Variants in SLC28A1 observed in about 807,000 individuals in gnomAD.
The protein encoded by SLC28A1 is solute carrier family 28 member 1.
A neutral mutation model predicts 74.8 loss-of-function variants in SLC28A1; 64 were observed. The observed-to-expected ratio is 0.86, with a 90% CI of 0.70 to 1.05. The LOEUF is 1.05. Among genes scored for constraint, SLC28A1 ranks in the 50% least tolerant of loss-of-function variants. The probability of loss-of-function intolerance (pLI) is 0.00; values close to 1 mark genes in which losing one functional copy is unlikely to be tolerated. For missense variants in SLC28A1, 828 were observed against 822.8 expected (o/e 1.01, Z -0.08); for synonymous variants, 359 against 335.0 (o/e 1.07, Z -0.78).
At chr15:84,955,075 G>A in the SLC28A1 span, among the ~76,000 whole-genome samples, 7 of 152,160 alleles carry the variant, frequency 4.6e-5, no homozygotes, top group African/African-American at 7.2e-5. Context: ...TCATCTGGAG[G>A]AGTAACATGT....
the SLC28A1 span, among the ~76,000 whole-genome samples, chr15:84,966,425 T>C: frequency 6.6e-6 from 1 of 152,252 alleles, no homozygotes; most frequent in East Asian, 1.9e-4. Context: ...GTGTGTGCAA[T>C]GGCATGATCA....
At position 84,944,760 on chromosome 15, in the gene SLC28A1, C is replaced by G. The variant is rs1478082927; in HGVS notation, c.1767C>G (p.Ile589Met). The G allele has an allele frequency of 1.9e-6, 3 of 1,612,736 alleles. No homozygotes were observed. The Admixed American group carries it at 5.0e-5, about 27-fold the overall frequency. The part of the protein sequence containing the change: ...VSLVNACMAG[I>M]LYMPRGAEVD... ...CCCACCACTTTCCCTCTACAGGGAT[C>G]CTCTACATGCCCAGGGGGGCTGAAG... The change falls in exon 18 of 19, where the codon ATC becomes ATG. Residue 589 changes from isoleucine (I) to methionine (M), a missense_variant. Ile to Met is a conservative substitution (Grantham distance 10). Coordinates refer to ENST00000394573, the MANE Select transcript of SLC28A1 (RefSeq NM_004213.5).
chr15:84,916,617 C>G (rs12913097), intron 9 of SLC28A1, among the ~76,000 whole-genome samples: 83,282 of 151,948 alleles, frequency 0.55, 24,027 homozygotes, highest in Middle Eastern at 0.72. Flanking sequence ...TTTTATCCAG[C>G]TGCCCACTTG....
intron 6 of SLC28A1, among the ~76,000 whole-genome samples, chr15:84,899,245 C>A (rs1240905482): frequency 6.6e-6 from 1 of 151,860 alleles, no homozygotes; most frequent in African/African-American, 2.4e-5. Flanking sequence ...ATCTTAAAGA[C>A]AAAACCTGAA....
At chr15:84,946,446 G>T (rs1409870058), downstream of SLC28A1, among the ~76,000 whole-genome samples, 1 of 151,982 alleles carries the variant, frequency 6.6e-6, no homozygotes, top group African/African-American at 2.4e-5. Context: ...ACAACTTCAT[G>T]CAGTAGGTGT....
intron 3 of SLC28A1, 68 bp from the exon 4 acceptor site, chr15:84,888,703 AC>A: frequency 1.8e-6 from 2 of 1,134,068 alleles, no homozygotes; most frequent in Non-Finnish European, 2.6e-6. Flanking sequence ...GTGGCCCCCG[AC>A]CCCCAGCTGT....
chr15:84,948,744 C>T (rs1053093921), downstream of SLC28A1, among the ~76,000 whole-genome samples: 1 of 152,172 alleles, frequency 6.6e-6, no homozygotes, highest in African/African-American at 2.4e-5. Context: ...CTAGGATAGT[C>T]ACTTTGTTAA....
At chr15:84,903,595 G>A (rs1382921266) in intron 6 of SLC28A1, among the ~76,000 whole-genome samples, 1 of 152,140 alleles carries the variant, frequency 6.6e-6, no homozygotes, top group Non-Finnish European at 1.5e-5. Flanking sequence ...GGTAGGATCC[G>A]TTCCTTGGTC....
Position 84,907,156 on chromosome 15 carries a change from A to G in SLC28A1, c.717+1504A>G, listed in dbSNP as rs1014918410. 2.6e-5 allele frequency among the ~76,000 whole-genome samples: 4 copies of G among 152,300 alleles called. No individual in the cohort carries two copies. In the East Asian group the frequency reaches 5.8e-4, roughly 22 times the overall value. On this transcript the variant is annotated intron_variant, in intron 8 of 18. Transcript: ENST00000394573. Reference sequence around the variant, plus strand: ...CTGTCTCATTCTCCTGATTTTTTGGAAGGTCAGAAGACAGCTTAGTTTTGA... The same window carrying G: ...CTGTCTCATTCTCCTGATTTTTTGGGAGGTCAGAAGACAGCTTAGTTTTGA...
the SLC28A1 span, among the ~76,000 whole-genome samples, chr15:84,956,626 G>A: frequency 3.3e-5 from 5 of 150,794 alleles, no homozygotes; most frequent in Non-Finnish European, 7.4e-5. Flanking sequence ...CTGAGTAGCT[G>A]GGACTACAGG....
At position 84,911,876 on chromosome 15, in the gene SLC28A1, AAG is replaced by A. The variant is rs1230426419; in HGVS notation, c.795+3083_795+3084del. Reference sequence around the variant, plus strand: ...TCCATCTCAAAAAAAAAAAAAAAAAAAGAAGAAGAAGAAGAAAATAAAAATGT... The same window carrying A: ...TCCATCTCAAAAAAAAAAAAAAAAAAAAGAAGAAGAAGAAAATAAAAATGT... On this transcript the variant is annotated intron_variant, in intron 9 of 18. Transcript: ENST00000394573. 1.5e-3 allele frequency among the ~76,000 whole-genome samples: 164 copies of A among 109,268 alleles called. 1 individual carries two copies. The highest frequency in any genetic ancestry group is 3.1e-3 in the Admixed American group (32 of 10,354). 71.7% of individuals were successfully genotyped at this position (109,268 alleles called of 152,430 possible).
chr15:84,937,142 T>G (rs1051015417), intron 15 of SLC28A1, among the ~76,000 whole-genome samples: 1 of 150,380 alleles, frequency 6.6e-6, no homozygotes, highest in Non-Finnish European at 1.5e-5. Flanking sequence ...GTTTTTTTGT[T>G]TTTTTTTTTA....
chr15:84,972,291 A>G, the SLC28A1 span, among the ~76,000 whole-genome samples: 1 of 152,244 alleles, frequency 6.6e-6, no homozygotes, highest in Non-Finnish European at 1.5e-5. Flanking sequence ...TGGAACAGAA[A>G]CATGTGAGAT....
chr15:84,949,360 C>G (rs1258953620), downstream of SLC28A1, among the ~76,000 whole-genome samples: 1 of 152,096 alleles, frequency 6.6e-6, no homozygotes, highest in Non-Finnish European at 1.5e-5. Context: ...TTGAAAGAGG[C>G]AGACTTATTA....
At chr15:84,973,030 C>T in the SLC28A1 span, among the ~76,000 whole-genome samples, 1 of 151,932 alleles carries the variant, frequency 6.6e-6, no homozygotes, top group African/African-American at 2.4e-5. Context: ...GGCTAAGGAC[C>T]AAAGTCCTTG....
chr15:84,892,474 CT>C (rs759803954), intron 5 of SLC28A1, among the ~76,000 whole-genome samples: 22 of 152,168 alleles, frequency 1.4e-4, no homozygotes, highest in Non-Finnish European at 2.4e-4. Flanking sequence ...ATTTGTTTCT[CT>C]TGAAGAACAA....
chr15:84,950,359 C>CT (rs571049176), downstream of SLC28A1, among the ~76,000 whole-genome samples: 193 of 127,594 alleles, frequency 1.5e-3, no homozygotes, highest in Non-Finnish European at 2.5e-3. Flanking sequence ...CGCCAGTCTC[C>CT]TTTTTTTTTT....
chr15:84,905,522 G>A lies in SLC28A1; in HGVS notation c.604-17G>A, dbSNP rs1436977147. On this transcript the variant is annotated splice_polypyrimidine_tract_variant and intron_variant, in intron 7 of 18. Transcript: ENST00000394573. Reference sequence around the variant, plus strand: ...CTCAAGGAACTGAACTCAGCTTTCTGTTGGGTGGGGTGGTAGGTGTCCTGG... The same window carrying A: ...CTCAAGGAACTGAACTCAGCTTTCTATTGGGTGGGGTGGTAGGTGTCCTGG... The A allele has an allele frequency of 6.4e-7, 1 of 1,569,906 alleles. No homozygotes were observed. Among genetic ancestry groups the A allele is most frequent in the South Asian group, 1.1e-5 (1 of 90,220 alleles).
At chr15:84,933,899 C>T (rs776954616) in intron 13 of SLC28A1, among the ~76,000 whole-genome samples, 2 of 152,142 alleles carry the variant, frequency 1.3e-5, no homozygotes, top group Admixed American at 6.5e-5. Context: ...TGCTTGAATC[C>T]GGGAGGTGGA....
Sources: allele counts gnomAD v4.1 joint callset (sites outside exome capture counted in the v4.1 genomes callset), GRCh38; gene constraint gnomAD v4.1.1; transcripts MANE v1.5; gene names NCBI Gene and HGNC (gene_info 2026-07-23, HGNC 2026-07-21).